Variants in UBR1 observed in about 807,000 individuals in gnomAD.
The protein encoded by UBR1 is ubiquitin protein ligase E3 component n-recognin 1.
UBR1 carries 102 observed loss-of-function variants against 242.1 expected under a neutral mutation model. The ratio of observed to expected loss-of-function variants is 0.42; its 90% CI spans 0.36 to 0.50. The LOEUF (loss-of-function observed/expected upper bound fraction) is 0.50. UBR1 is among the 20% of genes least tolerant of loss of function. UBR1 has a pLI of 0.01. For synonymous variants in UBR1, 675 were observed against 684.8 expected (o/e 0.99, Z 0.22); for missense variants, 1,772 against 2,101.8 (o/e 0.84, Z 3.07).
chr15:43,003,777 CCTT>C, intron 31 of UBR1, 57 bp downstream of exon 31: 1 of 1,511,228 alleles, frequency 6.6e-7, no homozygotes, highest in South Asian at 1.1e-5. Flanking sequence ...CTTTTTGTGG[CCTT>C]GAGTGAACTT....
chr15:43,006,982 T>G, intron 30 of UBR1, 97 bp downstream of exon 30: 1 of 1,146,118 alleles, frequency 8.7e-7, no homozygotes, highest in East Asian at 2.5e-5. Flanking sequence ...GGTAGATATA[T>G]AACCCTTATT....
chr15:42,986,124 G>A (rs2032455720), intron 35 of UBR1, among the ~76,000 whole-genome samples: 2 of 151,692 alleles, frequency 1.3e-5, no homozygotes, highest in South Asian at 4.2e-4. Context: ...CAGCAGATAC[G>A]AGTGTGGAAG....
At chr15:43,058,040 G>A (rs2033639639) in intron 10 of UBR1, among the ~76,000 whole-genome samples, 1 of 151,838 alleles carries the variant, frequency 6.6e-6, no homozygotes, top group Admixed American at 6.6e-5. Flanking sequence ...CTCCTGAGTA[G>A]CTGGGACTAC....
chr15:43,068,112 AAATT>A lies in UBR1; in HGVS notation c.660-80_660-77del, dbSNP rs1416266505. 4.9e-6 allele frequency: 5 copies of A among 1,022,782 alleles called. No homozygotes were observed. The Admixed American group carries it at 7.1e-5, about 14-fold the overall frequency. 63.4% of individuals were successfully genotyped at this position (1,022,782 alleles called of 1,614,324 possible). A position where few individuals can be genotyped will look rare whatever the true frequency, so the allele number is the denominator to read the frequency against. On this transcript the variant is annotated intron_variant, in intron 5 of 46. Coordinates refer to ENST00000290650, the MANE Select transcript of UBR1 (RefSeq NM_174916.3). ...AGTAAAAAAAAAAAAAAAAAAGACA[AAATT>A]AATACATAACATCTGTGTAGTTTCC...
At chr15:43,100,472 T>C (rs1167114012) in intron 1 of UBR1, among the ~76,000 whole-genome samples, 1 of 152,164 alleles carries the variant, frequency 6.6e-6, no homozygotes, top group African/African-American at 2.4e-5. Flanking sequence ...CAATAAATCA[T>C]TAATGTTGAT....
At chr15:43,039,352 G>A (rs1464967357) in intron 15 of UBR1, among the ~76,000 whole-genome samples, 3 of 152,114 alleles carry the variant, frequency 2.0e-5, no homozygotes, top group Non-Finnish European at 4.4e-5. Flanking sequence ...CTTTTATTTC[G>A]TTGAGCAATG....
chr15:43,073,832 C>G (rs924406614), intron 4 of UBR1, among the ~76,000 whole-genome samples: 9 of 152,168 alleles, frequency 5.9e-5, no homozygotes, highest in African/African-American at 1.9e-4. Flanking sequence ...AGACCTGGAA[C>G]CAGGTATTTC....
At chr15:43,095,517 G>C (rs546712588) in intron 1 of UBR1, among the ~76,000 whole-genome samples, 2 of 144,648 alleles carry the variant, frequency 1.4e-5, no homozygotes, top group East Asian at 4.1e-4. Flanking sequence ...TAAGCACTCA[G>C]ATTAGAATTA....
At chr15:43,032,207 A>G (rs2033266663) in intron 20 of UBR1, among the ~76,000 whole-genome samples, 1 of 151,928 alleles carries the variant, frequency 6.6e-6, no homozygotes, top group Non-Finnish European at 1.5e-5. Flanking sequence ...TCAATGTCAT[A>G]ACTTGATAAA....
At chr15:43,025,044 T>C in intron 24 of UBR1, 61 bp from the exon 25 acceptor site, 1 of 1,594,226 alleles carries the variant, frequency 6.3e-7, no homozygotes, top group East Asian at 2.2e-5. Context: ...ATTTGGGTTA[T>C]CCTACATACT....
rs1000530184 is a variant in UBR1, at chr15:42,984,001, G to T, written c.4054-8C>A. 6.2e-7 allele frequency: 1 copy of T among 1,608,246 alleles called. No homozygotes were observed. The highest frequency in any genetic ancestry group is 8.5e-7 in the Non-Finnish European group (1 of 1,175,330). ...TGCTTTCAGACCATTATGCTAGATT[G>T]TAAGAGAGAAGGAAGATAAAAAGAT... is the stretch of plus-strand genomic sequence containing the variant. On this transcript the variant is annotated splice_region_variant and splice_polypyrimidine_tract_variant and intron_variant, in intron 36 of 46. Transcript: ENST00000290650.
chr15:43,088,150 T>G (rs2034061067), intron 1 of UBR1, among the ~76,000 whole-genome samples: 1 of 152,258 alleles, frequency 6.6e-6, no homozygotes, highest in Non-Finnish European at 1.5e-5. Flanking sequence ...TTTTCAATCC[T>G]ATACATTTCA....
rs111388433 is a variant in UBR1, at chr15:42,980,589, TATCC to T, written c.4151-2646_4151-2643del. Among the ~76,000 whole-genome samples, 668 of 151,606 alleles carry T rather than the reference TATCC, an allele frequency of 4.4e-3. 8 individuals are homozygous for T. The highest frequency in any genetic ancestry group is 0.015 in the African/African-American group (620 of 41,346). ...GTGAGCATTGTATGTCCTATCTATC[TATCC>T]ATCCATCCATCCATCCATCCATCCA... On this transcript the variant is annotated intron_variant, in intron 37 of 46. Transcript: ENST00000290650.
intron 46 of UBR1, among the ~76,000 whole-genome samples, chr15:42,949,750 G>A (rs1369629078): frequency 1.3e-5 from 2 of 151,670 alleles, no homozygotes; most frequent in Non-Finnish European, 2.9e-5. Context: ...AGTGAGCTGA[G>A]ATAGCGCCAC....
At chr15:42,989,955 ATGG>A in intron 34 of UBR1, 72 bp downstream of exon 34, 1 of 1,026,888 alleles carries the variant, frequency 9.7e-7, no homozygotes. Context: ...GTAAGGAAAG[ATGG>A]AAGCCTACAC....
chr15:43,089,475 A>T (rs948771378), intron 1 of UBR1, among the ~76,000 whole-genome samples: 1 of 152,212 alleles, frequency 6.6e-6, no homozygotes, highest in African/African-American at 2.4e-5. Flanking sequence ...AGCCTGGGCG[A>T]CAGAGCGAGA....
chr15:43,061,263 C>A (rs1034035730), intron 6 of UBR1, among the ~76,000 whole-genome samples: 6 of 152,156 alleles, frequency 3.9e-5, no homozygotes, highest in Non-Finnish European at 8.8e-5. Context: ...AGCTCCAGAA[C>A]GACTGTAAGA....
intron 25 of UBR1, among the ~76,000 whole-genome samples, chr15:43,024,127 A>C (rs947724849): frequency 1.3e-5 from 2 of 152,240 alleles, no homozygotes; most frequent in African/African-American, 4.8e-5. Flanking sequence ...AGAAATTTTA[A>C]CTTGGTTTCA....
At position 42,976,523 on chromosome 15, in the gene UBR1, C is replaced by T. The variant is rs371505137; in HGVS notation, c.4369+194G>A. 1.4e-3 allele frequency among the ~76,000 whole-genome samples: 215 copies of T among 152,274 alleles called. 2 individuals are homozygous for T. Among genetic ancestry groups the T allele is most frequent in the African/African-American group, 4.9e-3 (203 of 41,560 alleles). On this transcript the variant is annotated intron_variant, in intron 39 of 46. Transcript: ENST00000290650. ...AGAGCAGTTGATAATTAGGTAGTTT[C>T]ACCTAATTATCTTTTTCACAGCTTA... is the stretch of plus-strand genomic sequence containing the variant.
Sources: allele counts gnomAD v4.1 joint callset (sites outside exome capture counted in the v4.1 genomes callset), GRCh38; gene constraint gnomAD v4.1.1; transcripts MANE v1.5; gene names NCBI Gene and HGNC (gene_info 2026-07-23, HGNC 2026-07-21).